C1QTNF1: variants seen among roughly 807,000 people sequenced by gnomAD.
C1QTNF1 encodes C1q and TNF related 1.
In C1QTNF1, 22 loss-of-function variants were observed where a neutral mutation model predicts 27.8. That is an observed-to-expected ratio of 0.79 (90% CI 0.56 to 1.13). The LOEUF (loss-of-function observed/expected upper bound fraction) is 1.13, where lower values mean the gene tolerates loss of function less well. Ranked by LOEUF, C1QTNF1 falls within the 50% of genes most tolerant of loss-of-function variation. C1QTNF1 has a pLI of 0.00. For missense variants in C1QTNF1, 373 were observed against 380.2 expected (o/e 0.98, Z 0.16); for synonymous variants, 166 against 154.3 (o/e 1.08, Z -0.56).
rs56962929 is a variant in C1QTNF1 at position 79,041,770 on chromosome 17, CA to C, written c.-14-2168del. On this transcript the variant is annotated intron_variant, in intron 1 of 3. Transcript: ENST00000579760. ...TGGGTGACAGAGCAAGACTCCATCT[CA>C]AAAAAAAAAAAAAAAAGCCCGCTAC... 262 of 77,808 alleles carry C rather than the reference CA, an allele frequency of 3.4e-3. 1 individual carries two copies. Among genetic ancestry groups the C allele is most frequent in the East Asian group, 8.8e-3 (22 of 2,514 alleles). 4.8% of individuals were successfully genotyped at this position (77,808 alleles called of 1,614,324 possible). A position where few individuals can be genotyped will look rare whatever the true frequency, so the allele number is the denominator to read the frequency against.
intron 1 of C1QTNF1, among the ~76,000 whole-genome samples, chr17:79,042,909 C>CACGT (rs2072451143): frequency 6.6e-6 from 1 of 152,076 alleles, no homozygotes; most frequent in East Asian, 1.9e-4. Context: ...TGAGAGTATG[C>CACGT]GGGCGTGCAC....
chr17:79,030,789 C>G (rs867095825), intron 1 of C1QTNF1, among the ~76,000 whole-genome samples: 1 of 151,706 alleles, frequency 6.6e-6, no homozygotes, highest in Non-Finnish European at 1.5e-5. Flanking sequence ...TTAGTAGAGA[C>G]GGGGTTTTAC....
chr17:79,030,481 TTCTTTTTCTTTCTTTCTTTCTTTC>T (rs1408596708), intron 1 of C1QTNF1, among the ~76,000 whole-genome samples: 3 of 110,812 alleles, frequency 2.7e-5, no homozygotes, highest in African/African-American at 6.7e-5. Flanking sequence ...CTTTCTTTCT[TTCTTTTTCTTTCTTTCTTTCTTTC>T]TTTCTTTCTT....
At chr17:79,037,154 G>A (rs2072282903) in intron 1 of C1QTNF1, among the ~76,000 whole-genome samples, 1 of 152,000 alleles carries the variant, frequency 6.6e-6, no homozygotes, top group Non-Finnish European at 1.5e-5. Flanking sequence ...TTTTTGAGAT[G>A]GAGTCTCGCT....
At chr17:79,026,765 G>A (rs116135769) in intron 1 of C1QTNF1, among the ~76,000 whole-genome samples, 3,544 of 152,222 alleles carry the variant, frequency 0.023, 124 homozygotes, top group African/African-American at 0.08. Flanking sequence ...GCCAGCTGGC[G>A]AGGGACGTCC....
chr17:79,030,485 T>TTCTCTTTC, intron 1 of C1QTNF1, among the ~76,000 whole-genome samples: 1 of 121,870 alleles, frequency 8.2e-6, no homozygotes, highest in South Asian at 2.7e-4. Context: ...CTTTCTTTCT[T>TTCTCTTTC]TTTCTTTCTT....
chr17:79,033,237 A>T (rs1339669036), intron 1 of C1QTNF1, among the ~76,000 whole-genome samples: 1 of 152,174 alleles, frequency 6.6e-6, no homozygotes, highest in Non-Finnish European at 1.5e-5. Flanking sequence ...GTGAGCACTT[A>T]AAATGTGGCT....
At chr17:79,025,582 T>G (rs2071927297) in intron 1 of C1QTNF1, 2 of 152,768 alleles carry the variant, frequency 1.3e-5, no homozygotes, top group Admixed American at 1.3e-4. Flanking sequence ...CCTTACAGGC[T>G]GCCCGGCCTC....
chr17:79,024,687 G>A (rs2071879306), intron 1 of C1QTNF1, among the ~76,000 whole-genome samples, 193 bp downstream of exon 1: 1 of 152,234 alleles, frequency 6.6e-6, no homozygotes, highest in African/African-American at 2.4e-5. Flanking sequence ...TCTGGCTCTG[G>A]CTCAGCCCCC....
At chr17:79,043,664 G>A (rs1472642309) in intron 1 of C1QTNF1, 1 of 542,148 alleles carries the variant, frequency 1.8e-6, no homozygotes, top group Non-Finnish European at 3.5e-6. Flanking sequence ...GTGTGTGCAT[G>A]TGTGGATTGC....
chr17:79,047,820 A>T lies in C1QTNF1; in HGVS notation c.578A>T (p.Tyr193Phe). ...GKFYCYVPGLYFFSLNVHTWN... is the reference protein window; with the variant it reads ...GKFYCYVPGLFFFSLNVHTWN... ...TTCTACTGCTACGTGCCCGGCCTCT[A>T]CTTCTTCAGCCTCAACGTGCACACC... Residue 193 changes from tyrosine to phenylalanine, a missense_variant, in exon 4 of 4, where the codon TAC (tyrosine) becomes TTC (phenylalanine). Physicochemically the swap from Tyr to Phe is conservative, Grantham distance 22. Transcript: ENST00000579760. 1 of 1,614,126 alleles carries T rather than the reference A, an allele frequency of 6.2e-7. No homozygotes were observed. The highest frequency in any genetic ancestry group is 8.5e-7 in the Non-Finnish European group (1 of 1,180,024).
intron 1 of C1QTNF1, among the ~76,000 whole-genome samples, chr17:79,027,171 A>G (rs2071991464): frequency 6.6e-6 from 1 of 151,974 alleles, no homozygotes; most frequent in South Asian, 2.1e-4. Flanking sequence ...AGCAGGTTAC[A>G]CCATCCCCTG....
intron 2 of C1QTNF1, among the ~76,000 whole-genome samples, chr17:79,044,620 G>A (rs1292921892): frequency 6.6e-6 from 1 of 152,096 alleles, no homozygotes; most frequent in Non-Finnish European, 1.5e-5. Context: ...GCCAAGTGTC[G>A]GCTTCCCTTG....
At chr17:79,045,207 G>A (rs2072536420) in intron 2 of C1QTNF1, among the ~76,000 whole-genome samples, 1 of 152,142 alleles carries the variant, frequency 6.6e-6, no homozygotes, top group Non-Finnish European at 1.5e-5. Context: ...AAAGCTACCT[G>A]GTAGCCAGAA....
rs1166695717 is a variant in C1QTNF1, at chr17:79,027,408, A to G, written c.-15+2914A>G. 3 of 152,400 alleles carry G rather than the reference A, an allele frequency of 2.0e-5. No individual in the cohort carries two copies. The East Asian group carries it at 5.8e-4, about 29-fold the overall frequency. The allele number at this position is 152,400 out of a possible 1,614,324, so 9.4% of individuals were successfully genotyped here. A position where few individuals can be genotyped will look rare whatever the true frequency, so the allele number is the denominator to read the frequency against. ...CTTTAGAGAGCAGTCTGGAAGAAAC[A>G]GCGACGTCAGCTCAGCTCAACAATG... is the stretch of plus-strand genomic sequence containing the variant. On this transcript the variant is annotated intron_variant, in intron 1 of 3. Coordinates refer to ENST00000579760, the MANE Select transcript of C1QTNF1 (RefSeq NM_030968.5).
chr17:79,047,998 G>A lies in C1QTNF1; in HGVS notation c.756G>A (p.Lys252=). 1 of 1,611,708 alleles carries A rather than the reference G, an allele frequency of 6.2e-7. No homozygotes were observed. The highest frequency in any genetic ancestry group is 8.5e-7 in the Non-Finnish European group (1 of 1,179,364). The change falls in exon 4 of 4, where the codon AAG becomes AAA. Residue 252 remains lysine, a synonymous_variant. Transcript: ENST00000579760. The part of the protein sequence containing the change: ...EQDQVWVRLY[K]GERENAIFSE... The stretch of plus-strand genomic sequence containing the variant: ...ACCAGGTGTGGGTACGCCTCTACAA[G>A]GGCGAACGTGAGAACGCCATCTTCA...
At chr17:79,029,191 C>A (rs1235389210) in intron 1 of C1QTNF1, among the ~76,000 whole-genome samples, 1 of 152,182 alleles carries the variant, frequency 6.6e-6, no homozygotes, top group East Asian at 1.9e-4. Flanking sequence ...AACAAGTAAG[C>A]AAATTGGTGG....
chr17:79,030,533 T>C (rs376744420), intron 1 of C1QTNF1, among the ~76,000 whole-genome samples: 4 of 131,082 alleles, frequency 3.1e-5, no homozygotes, highest in South Asian at 5.2e-4. Context: ...TTCTTTCTTC[T>C]TTCTTTCTTT....
At chr17:79,044,875 C>T (rs1599306457) in intron 2 of C1QTNF1, among the ~76,000 whole-genome samples, 1 of 152,286 alleles carries the variant, frequency 6.6e-6, no homozygotes, top group African/African-American at 2.4e-5. Flanking sequence ...TGGGATTGGA[C>T]AGGATTTGAG....
Sources: allele counts gnomAD v4.1 joint callset (sites outside exome capture counted in the v4.1 genomes callset), GRCh38; gene constraint gnomAD v4.1.1; transcripts MANE v1.5; gene names NCBI Gene and HGNC (gene_info 2026-07-23, HGNC 2026-07-21).